DSCAML1: variants seen among roughly 807,000 people sequenced by gnomAD.
DSCAML1 encodes the protein DS cell adhesion molecule like 1.
In DSCAML1, 38 loss-of-function variants were observed where a neutral mutation model predicts 200.5. The ratio of observed to expected loss-of-function variants is 0.19; its 90% CI spans 0.15 to 0.25. The LOEUF (loss-of-function observed/expected upper bound fraction) is 0.25. DSCAML1 is among the 10% of genes least tolerant of loss of function. The probability of loss-of-function intolerance (pLI) is 1.00; values close to 1 mark genes in which losing one functional copy is unlikely to be tolerated. For synonymous variants in DSCAML1, 1,215 were observed against 1,165.0 expected, an observed-to-expected ratio of 1.04 and a Z score of -0.87; for missense variants, 2,223 against 2,858.8, an observed-to-expected ratio of 0.78 and a Z score of 5.07.
chr11:117,683,299 G>A (rs894780449), intron 3 of DSCAML1, among the ~76,000 whole-genome samples: 3 of 152,216 alleles, frequency 2.0e-5, no homozygotes, highest in African/African-American at 4.8e-5. Context: ...GTTGGTCCCA[G>A]GACGTCCCAG....
intron 17 of DSCAML1, among the ~76,000 whole-genome samples, chr11:117,462,391 C>T (rs2048498179): frequency 6.6e-6 from 1 of 152,206 alleles, no homozygotes; most frequent in Admixed American, 6.5e-5. Flanking sequence ...GCCTCCGAAA[C>T]CCCACGCCCC....
chr11:117,675,707 C>G (rs778261969), intron 3 of DSCAML1, among the ~76,000 whole-genome samples: 1 of 152,004 alleles, frequency 6.6e-6, no homozygotes, highest in Non-Finnish European at 1.5e-5. Context: ...CCTTTCCCCC[C>G]AGCAAAGGCC....
At chr11:117,657,348 A>G (rs999440802) in intron 3 of DSCAML1, among the ~76,000 whole-genome samples, 1 of 152,210 alleles carries the variant, frequency 6.6e-6, no homozygotes, top group Non-Finnish European at 1.5e-5. Context: ...ACAGAAGAGC[A>G]TCAGAGTAAG....
intron 3 of DSCAML1, among the ~76,000 whole-genome samples, chr11:117,759,429 C>T (rs563624856): frequency 5.9e-5 from 9 of 152,114 alleles, no homozygotes; most frequent in Admixed American, 2.6e-4. Context: ...GCCCAGGACA[C>T]CCTCTGTTCT....
Position 117,503,733 on chromosome 11 carries a change from C to T in DSCAML1, c.2359+112G>A, listed in dbSNP as rs1430567285. 5 of 1,266,212 alleles carry T rather than the reference C, an allele frequency of 3.9e-6. No homozygotes were observed. Among genetic ancestry groups the T allele is most frequent in the Non-Finnish European group, 4.3e-6 (4 of 929,314 alleles). The allele number at this position is 1,266,212 out of a possible 1,614,324, so 78.4% of individuals were successfully genotyped here. On this transcript the variant is annotated intron_variant, in intron 11 of 32. Transcript: ENST00000651296. This position sits in a 1 kb window ranked among gnomAD's most constrained non-coding sequence, Gnocchi z 5.2. The stretch of plus-strand genomic sequence containing the variant: ...ACCTCTCACTAGGAAGCCTTCCTGC[C>T]TCCCCTTCATAGATGAAACGACGGA...
intron 3 of DSCAML1, among the ~76,000 whole-genome samples, chr11:117,764,052 C>T (rs1360076092): frequency 2.0e-5 from 3 of 152,184 alleles, no homozygotes; most frequent in Non-Finnish European, 4.4e-5. Flanking sequence ...GTTGGGGTCA[C>T]CTGTGTCCCA....
intron 3 of DSCAML1, among the ~76,000 whole-genome samples, chr11:117,620,771 G>C (rs930060783): frequency 1.3e-5 from 2 of 152,200 alleles, no homozygotes; most frequent in Non-Finnish European, 2.9e-5. Context: ...GAGTCAGACA[G>C]ATGAATTCCA....
chr11:117,651,139 C>T (rs1383278247), intron 3 of DSCAML1, among the ~76,000 whole-genome samples: 1 of 152,238 alleles, frequency 6.6e-6, no homozygotes, highest in African/African-American at 2.4e-5. Flanking sequence ...AGCCTCAATC[C>T]AGGGCGCTTT....
intron 30 of DSCAML1, among the ~76,000 whole-genome samples, 171 bp downstream of exon 30, chr11:117,432,177 CAGTT>C (rs2047814605): frequency 6.6e-6 from 1 of 152,172 alleles, no homozygotes; most frequent in Non-Finnish European, 1.5e-5. Flanking sequence ...CCCAAGGTCA[CAGTT>C]AGTAAATCTG....
At chr11:117,449,247 G>A (rs1027921713) in intron 20 of DSCAML1, among the ~76,000 whole-genome samples, 1 of 152,150 alleles carries the variant, frequency 6.6e-6, no homozygotes, top group African/African-American at 2.4e-5. Context: ...TCAGGGTGTT[G>A]TAATGTCCTG....
At chr11:117,446,984 G>A (rs531182031) in intron 20 of DSCAML1, among the ~76,000 whole-genome samples, 2 of 152,314 alleles carry the variant, frequency 1.3e-5, no homozygotes, top group African/African-American at 4.8e-5. Flanking sequence ...TGTATAAACA[G>A]CCACTCAAGA....
intron 18 of DSCAML1, 127 bp from the exon 19 acceptor site, chr11:117,459,036 G>T: frequency 1.6e-6 from 2 of 1,249,822 alleles, no homozygotes; most frequent in Admixed American, 2.1e-5. Context: ...TGGTGGCGAG[G>T]ACTAGAGGGT....
chr11:117,582,148 T>G (rs1431105552), intron 3 of DSCAML1, among the ~76,000 whole-genome samples: 1 of 152,240 alleles, frequency 6.6e-6, no homozygotes, highest in African/African-American at 2.4e-5. Context: ...TTTCATTTAT[T>G]GTCAGAATCA....
At chr11:117,531,938 AGGAGGGAGGGAG>A (rs59560691) in intron 4 of DSCAML1, among the ~76,000 whole-genome samples, 20 of 82,444 alleles carry the variant, frequency 2.4e-4, no homozygotes, top group Admixed American at 1.4e-3. Context: ...GGGAGGAGGG[AGGAGGGAGGGAG>A]GGAGGGAGGG....
chr11:117,769,920 T>C (rs1359363409), intron 3 of DSCAML1, among the ~76,000 whole-genome samples: 1 of 152,128 alleles, frequency 6.6e-6, no homozygotes, highest in Non-Finnish European at 1.5e-5. Flanking sequence ...CTTCATGAGT[T>C]AAATGGCCCA....
chr11:117,437,315 A>T lies in DSCAML1; in HGVS notation c.4527T>A (p.Pro1509=), dbSNP rs1247492440. 6.2e-7 allele frequency: 1 copy of T among 1,614,256 alleles called. No homozygotes were observed. The highest frequency in any genetic ancestry group is 1.1e-5 in the South Asian group (1 of 91,082). The change falls in exon 26 of 33, where the codon CCT becomes CCA. Residue 1509 remains proline (P), a synonymous_variant. Coordinates refer to ENST00000651296, the MANE Select transcript of DSCAML1 (RefSeq NM_020693.4). The surrounding 1 kb of genome is among the most constrained non-coding windows in gnomAD (Gnocchi z 5.3). ...NLQGWNNGGC[P]ITAIVLEYRP... ...GGTACTCCAGAACGATGGCTGTGAT[A>T]GGGCAGCCCCCATTGTTCCAGCCCT... is the stretch of plus-strand genomic sequence containing the variant.
intron 3 of DSCAML1, among the ~76,000 whole-genome samples, chr11:117,540,760 G>A (rs537469740): frequency 6.6e-6 from 1 of 152,148 alleles, no homozygotes; most frequent in Non-Finnish European, 1.5e-5. Context: ...GTTGATGGGT[G>A]CAGCAAACCA....
Position 117,457,272 on chromosome 11 carries a change from C to A in DSCAML1, c.3568+1482G>T, listed in dbSNP as rs1387062839. Among the ~76,000 whole-genome samples the A allele has an allele frequency of 2.6e-5, 4 of 152,326 alleles. No homozygotes were observed. The East Asian group carries it at 7.7e-4, about 29-fold the overall frequency. On this transcript the variant is annotated intron_variant, in intron 19 of 32. Coordinates refer to ENST00000651296, the MANE Select transcript of DSCAML1 (RefSeq NM_020693.4). ...TGTATAACCATGAGTGGCTCTGGGG[C>A]AGAGGGCTGAAGGCTCCTTGCAGGG...
intron 4 of DSCAML1, among the ~76,000 whole-genome samples, 158 bp downstream of exon 4, chr11:117,532,218 T>G (rs886759743): frequency 2.6e-5 from 4 of 152,108 alleles, no homozygotes; most frequent in African/African-American, 9.7e-5. Context: ...GAGGTCTTCC[T>G]TGGTGGTTTC....
Sources: gnomAD v4.1 joint callset for allele counts (sites outside exome capture counted in the v4.1 genomes callset) on GRCh38, gnomAD v4.1.1 for gene constraint, Gnocchi (gnomAD v3.1) non-coding constraint, MANE v1.5 for transcripts, NCBI Gene and HGNC (gene_info 2026-07-23, HGNC 2026-07-21) for gene names.